The following TOMM20 variants were observed in gnomAD, a reference collection of about 807,000 sequenced individuals.
The protein encoded by TOMM20 is translocase of outer mitochondrial membrane 20, also known as mitochondrial import receptor subunit TOM20 homolog.
In TOMM20, 10 loss-of-function variants were observed where a neutral mutation model predicts 22.1. The observed-to-expected ratio is 0.45, with a 90% CI of 0.28 to 0.77. TOMM20 has a LOEUF of 0.77. Among genes scored for constraint, TOMM20 ranks in the 30% least tolerant of loss-of-function variants. The pLI is 0.13. For missense variants in TOMM20, 121 were observed against 172.2 expected (o/e 0.70, Z 1.66); for synonymous variants, 55 against 61.4 (o/e 0.90, Z 0.49).
At chr1:235,127,981 GC>G (rs1558131582) in intron 1 of TOMM20, 1 of 490,754 alleles carries the variant, frequency 2.0e-6, no homozygotes, top group Non-Finnish European at 4.0e-6. Context: ...TTCGAGACTA[GC>G]CTGACCAACA....
chr1:235,128,594 C>T lies in TOMM20; in HGVS notation c.121+1G>A, dbSNP rs1406593440. On this transcript the variant is annotated splice_donor_variant, in intron 1 of 4. Transcript: ENST00000366607. LOFTEE classifies it high-confidence loss of function. ...GGCCAGGGGAGAGAGGACCCACTCACGTTCTCGAAGCCTGTTCTTGAAGTT... is the reference window on the plus strand; with the variant it reads ...GGCCAGGGGAGAGAGGACCCACTCATGTTCTCGAAGCCTGTTCTTGAAGTT... 1.9e-6 allele frequency: 3 copies of T among 1,612,316 alleles called. No homozygotes were observed. Among genetic ancestry groups the T allele is most frequent in the East Asian group, 2.2e-5 (1 of 44,882 alleles).
intron 2 of TOMM20, among the ~76,000 whole-genome samples, chr1:235,121,675 T>C (rs772868137): frequency 1.1e-4 from 16 of 152,092 alleles, no homozygotes; most frequent in Non-Finnish European, 1.8e-4. Flanking sequence ...ACCCAAACAA[T>C]AGAACTCATC....
chr1:235,117,330 T>C (rs1285531204), intron 3 of TOMM20, among the ~76,000 whole-genome samples: 3 of 149,658 alleles, frequency 2.0e-5, no homozygotes, highest in South Asian at 2.1e-4. Flanking sequence ...TGGTGGTGCA[T>C]GCCTATAATC....
At chr1:235,119,172 G>C (rs1295388659) in intron 3 of TOMM20, among the ~76,000 whole-genome samples, 1 of 152,084 alleles carries the variant, frequency 6.6e-6, no homozygotes, top group African/African-American at 2.4e-5. Flanking sequence ...CGGTTCTCAC[G>C]TTTGTCAATT....
intron 3 of TOMM20, 127 bp from the exon 4 acceptor site, chr1:235,114,037 T>C: frequency 6.3e-6 from 6 of 952,150 alleles, no homozygotes; most frequent in Non-Finnish European, 9.2e-6. Flanking sequence ...GGAAATGACC[T>C]ATAATGCATT....
rs186697006 is a variant in TOMM20 at position 235,117,090 on chromosome 1, G to A, written c.250+2728C>T. On this transcript the variant is annotated intron_variant, in intron 3 of 4. Transcript: ENST00000366607. ...GCAGAGCTTGCAGTGAGCGGAGATC[G>A]CGCCACTGCACTCCAGCCTGGGCGA... 4.2e-4 allele frequency among the ~76,000 whole-genome samples: 47 copies of A among 113,132 alleles called. No homozygotes were observed. In the East Asian group the frequency reaches 8.8e-3, roughly 21 times the overall value. 74.2% of individuals were successfully genotyped at this position (113,132 alleles called of 152,430 possible). A position where few individuals can be genotyped will look rare whatever the true frequency, so the allele number is the denominator to read the frequency against.
chr1:235,125,506 C>T (rs902525165), intron 1 of TOMM20, among the ~76,000 whole-genome samples: 2 of 152,030 alleles, frequency 1.3e-5, no homozygotes, highest in African/African-American at 4.8e-5. Flanking sequence ...TGAGCCACCA[C>T]GCCCGGCCGC....
Position 235,122,362 on chromosome 1 carries a change from T to C in TOMM20, c.132A>G (p.Lys44=). The change falls in exon 2 of 5, where the codon AAA becomes AAG. Residue 44 remains lysine, a synonymous_variant. Coordinates refer to ENST00000366607, the MANE Select transcript of TOMM20 (RefSeq NM_014765.3). ...CAGCTCTCTCCTTGGCAAGCTTCTG[T>C]TTCTTTCTTCCTGCAAGAAATGCAA... The part of the protein sequence containing the change: ...FKNRLRERRK[K]QKLAKERAGL... 1 of 1,571,772 alleles carries C rather than the reference T, an allele frequency of 6.4e-7. No individual in the cohort carries two copies. The highest frequency in any genetic ancestry group is 8.6e-7 in the Non-Finnish European group (1 of 1,161,636).
At position 235,110,453 on chromosome 1, in the gene TOMM20, C is replaced by G. The variant is rs901131472; in HGVS notation, c.*1611G>C. On this transcript the variant is annotated 3_prime_UTR_variant, in exon 5 of 5. Coordinates refer to ENST00000366607, the MANE Select transcript of TOMM20 (RefSeq NM_014765.3). ...TTTGGGATCCCACTAGTAAAACTAACTGGCATGTCTGTACTGGTCATCCCC... is the reference window on the plus strand; with the variant it reads ...TTTGGGATCCCACTAGTAAAACTAAGTGGCATGTCTGTACTGGTCATCCCC... 6.6e-6 allele frequency: 1 copy of G among 152,242 alleles called. No homozygotes were observed. The highest frequency in any genetic ancestry group is 2.4e-5 in the African/African-American group (1 of 41,444). 9.4% of individuals were successfully genotyped at this position (152,242 alleles called of 1,614,324 possible).
intron 1 of TOMM20, among the ~76,000 whole-genome samples, chr1:235,125,462 G>T (rs536544206): frequency 6.6e-6 from 1 of 151,894 alleles, no homozygotes; most frequent in African/African-American, 2.4e-5. Context: ...TGATCCGCCC[G>T]CCTCGGCCTC....
intron 1 of TOMM20, among the ~76,000 whole-genome samples, chr1:235,123,046 A>G (rs1344896634): frequency 6.6e-6 from 1 of 152,244 alleles, no homozygotes; most frequent in Admixed American, 6.5e-5. Flanking sequence ...AATACTTATT[A>G]GCTGGGTGAT....
chr1:235,119,795 C>T, intron 3 of TOMM20, 23 bp downstream of exon 3: 2 of 1,531,822 alleles, frequency 1.3e-6, no homozygotes, highest in East Asian at 4.5e-5. Flanking sequence ...TACCCATTTC[C>T]TTAGCTTTTC....
At chr1:235,127,050 G>A (rs556747198) in intron 1 of TOMM20, among the ~76,000 whole-genome samples, 1 of 152,316 alleles carries the variant, frequency 6.6e-6, no homozygotes, top group East Asian at 1.9e-4. Flanking sequence ...TGTCTAAAAT[G>A]ATAGCTCTTG....
At chr1:235,113,693 C>G (rs1660779742) in intron 4 of TOMM20, 75 bp downstream of exon 4, 2 of 1,493,074 alleles carry the variant, frequency 1.3e-6, no homozygotes, top group South Asian at 1.3e-5. Context: ...GTTCACTAGG[C>G]TCATTTTAAA....
chr1:235,128,068 G>A (rs1661061667), intron 1 of TOMM20: 15 of 340,862 alleles, frequency 4.4e-5, no homozygotes, highest in South Asian at 3.3e-4. Flanking sequence ...CAGCTACTGG[G>A]GAGACTGAGG....
intron 1 of TOMM20, among the ~76,000 whole-genome samples, chr1:235,123,611 T>C (rs541380814): frequency 2.6e-5 from 4 of 152,344 alleles, no homozygotes; most frequent in African/African-American, 9.6e-5. Flanking sequence ...TCTCCCATAA[T>C]AGAGTGCTAC....
chr1:235,122,094 C>A (rs941077404), intron 2 of TOMM20, among the ~76,000 whole-genome samples: 4 of 151,730 alleles, frequency 2.6e-5, no homozygotes, highest in Non-Finnish European at 5.9e-5. Context: ...ATTGTTCATA[C>A]AGTAAGCTGT....
intron 4 of TOMM20, 145 bp from the exon 5 acceptor site, chr1:235,112,253 T>C: frequency 3.0e-6 from 2 of 671,464 alleles, no homozygotes; most frequent in Non-Finnish European, 5.1e-6. Flanking sequence ...ATGTAACACT[T>C]TACACACAGT....
chr1:235,123,758 T>TG (rs956380838), intron 1 of TOMM20, among the ~76,000 whole-genome samples: 1 of 152,152 alleles, frequency 6.6e-6, no homozygotes, highest in African/African-American at 2.4e-5. Flanking sequence ...CAACTAACTG[T>TG]GGGGAAAAAG....
Sources: gnomAD v4.1 joint callset for allele counts (sites outside exome capture counted in the v4.1 genomes callset) on GRCh38, gnomAD v4.1.1 for gene constraint, MANE v1.5 for transcripts, NCBI Gene and HGNC (gene_info 2026-07-23, HGNC 2026-07-21) for gene names.